The following APTX variants were observed in gnomAD, a reference collection of about 807,000 sequenced individuals.
APTX encodes the protein aprataxin, also known as forkhead-associated domain histidine triad-like protein.
Under a neutral mutation model 42.3 loss-of-function variants are expected in APTX, and 33 were observed. The observed-to-expected ratio is 0.78, with a 90% CI of 0.59 to 1.04. APTX has a LOEUF of 1.04. APTX is among the 50% of genes least tolerant of loss of function. The pLI is 0.00. For missense variants in APTX, 421 were observed against 415.1 expected (o/e 1.01, Z -0.12); for synonymous variants, 130 against 146.7 (o/e 0.89, Z 0.82).
chr9:33,010,584 T>G lies in APTX; in HGVS notation c.-5+14439A>C, dbSNP rs537041615. Among the ~76,000 whole-genome samples the G allele has an allele frequency of 8.0e-4, 122 of 151,758 alleles. 1 individual carries two copies. The highest frequency in any genetic ancestry group is 2.9e-3 in the African/African-American group (119 of 41,328). On this transcript the variant is annotated intron_variant, in intron 1 of 6. Coordinates refer to the APTX transcript ENST00000436040. ...AATATACAAAAATTAGCCAGGCTGG[T>G]GGCAGGCGCCTGTAACCCCAGCTAC...
At chr9:32,990,683 C>T (rs1403427395) in intron 1 of APTX, among the ~76,000 whole-genome samples, 4 of 152,170 alleles carry the variant, frequency 2.6e-5, no homozygotes, top group South Asian at 2.1e-4. Flanking sequence ...GACTGACTGA[C>T]TCTTGTGGAG....
chr9:32,994,213 C>A (rs753114208), intron 1 of APTX, among the ~76,000 whole-genome samples: 5 of 152,200 alleles, frequency 3.3e-5, no homozygotes, highest in Non-Finnish European at 7.3e-5. Context: ...TTACCCACCA[C>A]GTGACAATCG....
At chr9:33,001,728 A>T (rs1836601836), upstream of APTX, 1 of 1,335,238 alleles carries the variant, frequency 7.5e-7, no homozygotes, top group African/African-American at 1.5e-5. Flanking sequence ...CCCAGATCAA[A>T]AAGCGTCCGC....
intron 1 of APTX, among the ~76,000 whole-genome samples, chr9:33,023,755 T>C (rs1016479178): frequency 6.6e-6 from 1 of 152,174 alleles, no homozygotes; most frequent in Admixed American, 6.5e-5. Context: ...ACAGTTAAAA[T>C]TAATGAAAGA....
chr9:33,005,118 TTTG>T (rs1837043048), upstream of APTX, among the ~76,000 whole-genome samples: 2 of 152,006 alleles, frequency 1.3e-5, no homozygotes, highest in African/African-American at 4.8e-5. Context: ...TGGGGTTATT[TTTG>T]TTTTGTTTTG....
intron 1 of APTX, among the ~76,000 whole-genome samples, chr9:33,009,831 A>G (rs1328396288): frequency 1.3e-5 from 2 of 152,178 alleles, no homozygotes; most frequent in Admixed American, 6.5e-5. Context: ...AAAAAATTCA[A>G]AACACAAACA....
intron 1 of APTX, among the ~76,000 whole-genome samples, chr9:32,994,199 T>C (rs765688775): frequency 2.6e-5 from 4 of 152,208 alleles, no homozygotes; most frequent in Admixed American, 6.5e-5. Flanking sequence ...AACTGTCCAA[T>C]AAATTACCCA....
At chr9:33,002,438 G>C (rs1487940493), upstream of APTX, among the ~76,000 whole-genome samples, 1 of 152,132 alleles carries the variant, frequency 6.6e-6, no homozygotes, top group Non-Finnish European at 1.5e-5. Flanking sequence ...GCCTTATGTG[G>C]TTATTCTCAA....
intron 1 of APTX, among the ~76,000 whole-genome samples, chr9:33,000,831 C>CT (rs374850423): frequency 0.01 from 1,234 of 122,974 alleles, 10 homozygotes; most frequent in Non-Finnish European, 0.013. Flanking sequence ...TGGGGAAAGG[C>CT]TTTTTTTTTT....
At chr9:33,023,289 T>C (rs983898166) in intron 1 of APTX, among the ~76,000 whole-genome samples, 6 of 151,916 alleles carry the variant, frequency 3.9e-5, no homozygotes, top group Non-Finnish European at 5.9e-5. Context: ...AGCGGCACCA[T>C]CTCTGCTCAC....
chr9:33,011,023 A>T (rs1432668203), intron 1 of APTX, among the ~76,000 whole-genome samples: 1 of 151,942 alleles, frequency 6.6e-6, no homozygotes, highest in South Asian at 2.1e-4. Flanking sequence ...CACGCCTGTA[A>T]TCCCAGTTAC....
chr9:33,004,630 C>CTTTT (rs3065216), upstream of APTX, among the ~76,000 whole-genome samples: 8,259 of 125,124 alleles, frequency 0.066, 392 homozygotes, highest in Non-Finnish European at 0.1. Flanking sequence ...CTTGCCAACC[C>CTTTT]TTTTTTTTTT....
At chr9:33,011,350 CGA>C (rs1564002203) in intron 1 of APTX, among the ~76,000 whole-genome samples, 1 of 151,168 alleles carries the variant, frequency 6.6e-6, no homozygotes, top group African/African-American at 2.4e-5. Flanking sequence ...TGCAGTGGCA[CGA>C]TCTTGGCTCA....
intron 7 of APTX, 59 bp from the exon 8 acceptor site, chr9:32,973,711 C>CAAAAAAAAAAAAAAAAAAACA (rs34659850): frequency 7.5e-7 from 1 of 1,331,630 alleles, no homozygotes; most frequent in African/African-American, 1.6e-5. Flanking sequence ...TATGAGATAC[C>CAAAAAAAAAAAAAAAAAAACA]AAAAAAAAAA....
upstream of APTX, among the ~76,000 whole-genome samples, chr9:33,002,916 A>T (rs74685942): frequency 0.07 from 10,731 of 152,288 alleles, 509 homozygotes; most frequent in Non-Finnish European, 0.11. Context: ...AGAAACACAG[A>T]GGACAGGCTT....
intron 2 of APTX, 134 bp downstream of exon 2, chr9:32,989,625 A>G (rs1008954305): frequency 1.5e-6 from 2 of 1,371,764 alleles, no homozygotes; most frequent in Non-Finnish European, 2.1e-6. Context: ...GGTGTTGGCT[A>G]AAAGAGCTCA....
intron 1 of APTX, among the ~76,000 whole-genome samples, chr9:32,990,689 T>C (rs1833396294): frequency 2.0e-5 from 3 of 152,104 alleles, no homozygotes; most frequent in Non-Finnish European, 2.9e-5. Flanking sequence ...CTGACTCTTG[T>C]GGAGAATATT....
At chr9:32,996,987 G>A (rs1835100686) in intron 1 of APTX, among the ~76,000 whole-genome samples, 1 of 152,234 alleles carries the variant, frequency 6.6e-6, no homozygotes, top group Non-Finnish European at 1.5e-5. Flanking sequence ...ATTCTGAGAA[G>A]AGAAAATTCA....
rs1040449763 is a variant in APTX, at chr9:32,972,902, G to T, written c.*596C>A. 2.2e-6 allele frequency: 1 copy of T among 454,078 alleles called. No homozygotes were observed. The highest frequency in any genetic ancestry group is 4.4e-6 in the Non-Finnish European group (1 of 226,776). 28.1% of individuals were successfully genotyped at this position (454,078 alleles called of 1,614,324 possible). On this transcript the variant is annotated 3_prime_UTR_variant, in exon 8 of 8. Coordinates refer to ENST00000379817, the MANE Select transcript of APTX (RefSeq NM_001195248.2). Reference sequence around the variant, plus strand: ...CTCCAACCCCCCACACCATCATCTAGCCTCTTTTCTCACTGTGAAGAACTG... The same window carrying T: ...CTCCAACCCCCCACACCATCATCTATCCTCTTTTCTCACTGTGAAGAACTG...
Sources: gnomAD v4.1 joint callset for allele counts (sites outside exome capture counted in the v4.1 genomes callset) on GRCh38, gnomAD v4.1.1 for gene constraint, MANE v1.5 for transcripts, NCBI Gene and HGNC (gene_info 2026-07-23, HGNC 2026-07-21) for gene names.